PXYLP1: variants seen among roughly 807,000 people sequenced by gnomAD.
The protein encoded by PXYLP1 is 2-phosphoxylose phosphatase 1.
A neutral mutation model predicts 37.9 loss-of-function variants in PXYLP1; 17 were observed. The observed-to-expected ratio is 0.45, with a 90% confidence interval of 0.31 to 0.67. The LOEUF (loss-of-function observed/expected upper bound fraction) is 0.67. Ranked by LOEUF, PXYLP1 falls within the 30% of genes least tolerant of loss-of-function variation. PXYLP1 has a pLI of 0.07. For synonymous variants in PXYLP1, 221 were observed against 232.2 expected (o/e 0.95, Z 0.44); for missense variants, 511 against 612.0 (o/e 0.84, Z 1.74).
intron 4 of PXYLP1, among the ~76,000 whole-genome samples, 173 bp from the exon 5 acceptor site, chr3:141,287,141 A>G (rs1942095616): frequency 6.6e-6 from 1 of 152,210 alleles, no homozygotes; most frequent in Non-Finnish European, 1.5e-5. Flanking sequence ...TTCATGTGTC[A>G]GTGTCAGTGG....
chr3:141,266,564 C>A (rs1941515868), intron 2 of PXYLP1, among the ~76,000 whole-genome samples: 1 of 146,382 alleles, frequency 6.8e-6, no homozygotes, highest in South Asian at 2.3e-4. Flanking sequence ...GCCAAGGGGG[C>A]AACCTGCTTA....
At chr3:141,279,280 T>C in intron 3 of PXYLP1, 98 bp from the exon 4 acceptor site, 1 of 1,495,764 alleles carries the variant, frequency 6.7e-7, no homozygotes, top group South Asian at 1.3e-5. Context: ...CCGGCTCAGA[T>C]TCCCAGCCCA....
At chr3:141,289,114 T>C (rs1942141872) in intron 5 of PXYLP1, among the ~76,000 whole-genome samples, 1 of 152,176 alleles carries the variant, frequency 6.6e-6, no homozygotes, top group African/African-American at 2.4e-5. Flanking sequence ...ATGCAGATGA[T>C]TGATGGATGC....
At chr3:141,260,315 GC>G in intron 2 of PXYLP1, 61 bp downstream of exon 2, 1 of 1,554,118 alleles carries the variant, frequency 6.4e-7, no homozygotes. Flanking sequence ...AAACAAGGAG[GC>G]CCCAAAGGCT....
At chr3:141,256,552 G>A (rs113929559) in intron 1 of PXYLP1, among the ~76,000 whole-genome samples, 9 of 152,020 alleles carry the variant, frequency 5.9e-5, no homozygotes, top group South Asian at 2.1e-4. Flanking sequence ...GCGCGTGTGC[G>A]CACACACACA....
intron 2 of PXYLP1, among the ~76,000 whole-genome samples, chr3:141,276,354 T>C (rs1036790939): frequency 2.6e-5 from 4 of 152,242 alleles, no homozygotes; most frequent in African/African-American, 9.6e-5. Flanking sequence ...TAGACATTTT[T>C]TCTATGCATT....
At position 141,292,049 on chromosome 3, in the gene PXYLP1, C is replaced by T. The variant is rs1254719641; in HGVS notation, c.506-219C>T. Among the ~76,000 whole-genome samples, 2 of 152,222 alleles carry T rather than the reference C, an allele frequency of 1.3e-5. No individual in the cohort carries two copies. The highest frequency in any genetic ancestry group is 2.9e-5 in the Non-Finnish European group (2 of 68,036). On this transcript the variant is annotated intron_variant, in intron 5 of 5. Coordinates refer to ENST00000286353, the MANE Select transcript of PXYLP1 (RefSeq NM_001037172.3). This position sits in a 1 kb window ranked among gnomAD's most constrained non-coding sequence, Gnocchi z 4.3. ...GGTCCAAAGGCCGTGGTTCTCAAGG[C>T]CAGGGCCCCGCTCTGCTCATCCTTC...
chr3:141,289,801 TA>T (rs1942160075), intron 5 of PXYLP1, among the ~76,000 whole-genome samples: 2 of 149,482 alleles, frequency 1.3e-5, no homozygotes, highest in Admixed American at 1.3e-4. Flanking sequence ...CAGCCCTGGC[TA>T]ACAGGTCAGG....
intron 1 of PXYLP1, among the ~76,000 whole-genome samples, chr3:141,238,871 A>T (rs772826503): frequency 3.0e-4 from 45 of 152,176 alleles, no homozygotes; most frequent in Non-Finnish European, 6.2e-4. Context: ...GTGGAAGTGG[A>T]TCATCATAAA....
At chr3:141,240,416 C>T (rs984810026) in intron 1 of PXYLP1, among the ~76,000 whole-genome samples, 1 of 152,098 alleles carries the variant, frequency 6.6e-6, no homozygotes, top group South Asian at 2.1e-4. Context: ...GCTCTCAAGG[C>T]TGCCATGCTC....
chr3:141,271,572 T>C (rs1941664499), intron 2 of PXYLP1, among the ~76,000 whole-genome samples: 1 of 152,200 alleles, frequency 6.6e-6, no homozygotes, highest in South Asian at 2.1e-4. Context: ...GAGCCAACAC[T>C]TTAGCCTCAT....
At chr3:141,274,099 C>CG (rs989765884) in intron 2 of PXYLP1, 93 of 993,178 alleles carry the variant, frequency 9.4e-5, no homozygotes, top group East Asian at 7.5e-4. Context: ...GCTAGAGGCA[C>CG]GGGGGGCCTG....
At chr3:141,252,074 G>T (rs751786837) in intron 1 of PXYLP1, among the ~76,000 whole-genome samples, 7 of 152,150 alleles carry the variant, frequency 4.6e-5, no homozygotes, top group Admixed American at 4.6e-4. Context: ...TCATTATCAC[G>T]TAGAGCAGGG....
chr3:141,262,301 C>G, intron 2 of PXYLP1: 1 of 999,452 alleles, frequency 1.0e-6, no homozygotes, highest in Middle Eastern at 2.8e-4. Flanking sequence ...TTCCAGATGG[C>G]AAATGAATTG....
In PXYLP1 at chr3:141,292,433, A is replaced by G. The variant is rs372797540; in HGVS notation, c.671A>G (p.Asp224Gly). The G allele has an allele frequency of 1.2e-6, 2 of 1,614,220 alleles. No homozygotes were observed. The highest frequency in any genetic ancestry group is 1.7e-6 in the Non-Finnish European group (2 of 1,180,042). Residue 224 changes from aspartate (D) to glycine (G), a missense_variant, in exon 6 of 6, where the codon GAT becomes GGT. Transcript: ENST00000286353. This position sits in a 1 kb window ranked among gnomAD's most constrained non-coding sequence, Gnocchi z 4.3. ...GLALLYGFLP[D>G]FDWKKIYFRH... The stretch of plus-strand genomic sequence containing the variant: ...GCCTTGCTTTATGGCTTTCTCCCAG[A>G]TTTTGACTGGAAGAAGATTTATTTC...
chr3:141,280,275 G>T (rs181394928), intron 4 of PXYLP1, among the ~76,000 whole-genome samples: 1 of 152,220 alleles, frequency 6.6e-6, no homozygotes, highest in Non-Finnish European at 1.5e-5. Context: ...AGCCTGCCCC[G>T]GGAGGGCGAG....
At chr3:141,246,600 T>C (rs1442144711) in intron 1 of PXYLP1, among the ~76,000 whole-genome samples, 1 of 152,072 alleles carries the variant, frequency 6.6e-6, no homozygotes, top group Non-Finnish European at 1.5e-5. Context: ...CTGTAGTGAG[T>C]CCTCCATTCA....
At chr3:141,290,227 A>G (rs1394658504) in intron 5 of PXYLP1, among the ~76,000 whole-genome samples, 2 of 152,188 alleles carry the variant, frequency 1.3e-5, no homozygotes, top group Admixed American at 6.5e-5. Flanking sequence ...TGCCTGTCCT[A>G]AAGAAGGCTG....
At chr3:141,254,042 T>G (rs979352160) in intron 1 of PXYLP1, among the ~76,000 whole-genome samples, 2 of 151,988 alleles carry the variant, frequency 1.3e-5, no homozygotes, top group Admixed American at 1.3e-4. Context: ...CTCTTGAATA[T>G]CTGGGATTAC....
Sources: allele counts gnomAD v4.1 joint callset (sites outside exome capture counted in the v4.1 genomes callset), GRCh38; gene constraint gnomAD v4.1.1; non-coding constraint Gnocchi (gnomAD v3.1); transcripts MANE v1.5; gene names NCBI Gene and HGNC (gene_info 2026-07-23, HGNC 2026-07-21).